Variants in DIAPH2 observed in about 807,000 individuals in gnomAD.
DIAPH2 encodes protein diaphanous homolog 2.
DIAPH2 carries 35 observed loss-of-function variants against 92.7 expected under a neutral mutation model. The ratio of observed to expected loss-of-function variants is 0.38; its 90% confidence interval spans 0.29 to 0.50. DIAPH2 has a LOEUF of 0.50. DIAPH2 is among the 20% of genes least tolerant of loss of function. The pLI, the probability that DIAPH2 is intolerant of heterozygous loss-of-function variation, is 0.94. For synonymous variants in DIAPH2, 301 were observed against 280.4 expected, an observed-to-expected ratio of 1.07 and a Z score of -0.73; for missense variants, 701 against 819.5, an observed-to-expected ratio of 0.86 and a Z score of 1.77.
At position 97,411,098 on chromosome X, in the gene DIAPH2, A is replaced by G. The variant is rs757603537; in HGVS notation, c.3146-18552A>G. Among the ~76,000 whole-genome samples, 46 of 111,130 alleles carry G rather than the reference A, an allele frequency of 4.1e-4. 1 individual carries two copies. In the South Asian group the frequency reaches 8.0e-3, roughly 19 times the overall value. On this transcript the variant is annotated intron_variant, in intron 25 of 26. Transcript: ENST00000324765. ...CAAGAAGAGCAACCCCAGGACACAT[A>G]ATTGTCAGATTCACCAAGGTTGAAA...
intron 1 of DIAPH2, among the ~76,000 whole-genome samples, chrX:96,727,958 T>C (rs1218577935): frequency 1.9e-5 from 2 of 105,963 alleles, no homozygotes; most frequent in Non-Finnish European, 3.9e-5. Context: ...GGCAGGGAAT[T>C]GCTTGAATCC....
intron 23 of DIAPH2, among the ~76,000 whole-genome samples, chrX:97,291,539 CTT>C (rs755088053): frequency 2.9e-5 from 3 of 104,830 alleles, no homozygotes; most frequent in African/African-American, 6.9e-5. Flanking sequence ...AAAGTAAACA[CTT>C]TTTTTTTTTT....
intron 23 of DIAPH2, among the ~76,000 whole-genome samples, chrX:97,317,406 C>G (rs904025679): frequency 8.9e-6 from 1 of 111,973 alleles, no homozygotes; most frequent in African/African-American, 3.2e-5. Flanking sequence ...AGAATTAAGA[C>G]TTGAAACATC....
chrX:97,113,731 T>C (rs953480918), intron 20 of DIAPH2, among the ~76,000 whole-genome samples: 3 of 112,497 alleles, frequency 2.7e-5, no homozygotes, highest in African/African-American at 9.7e-5. Flanking sequence ...CGTCAAATTC[T>C]CTTCATGTTA....
intron 24 of DIAPH2, among the ~76,000 whole-genome samples, chrX:97,373,511 A>C (rs73552460): frequency 0.018 from 1,919 of 108,528 alleles, 43 homozygotes; most frequent in African/African-American, 0.061. Flanking sequence ...ACAAGGAAGA[A>C]AGAGGAAGTT....
chrX:97,190,085 T>G (rs1198920960), intron 22 of DIAPH2, among the ~76,000 whole-genome samples: 1 of 113,087 alleles, frequency 8.8e-6, no homozygotes, highest in Admixed American at 9.3e-5. Flanking sequence ...AGATTTAGAA[T>G]TTAATCTCTT....
In DIAPH2 at chrX:96,851,391, C is replaced by T. The variant is rs940450532; in HGVS notation, c.448-30188C>T. 3.6e-5 allele frequency among the ~76,000 whole-genome samples: 4 copies of T among 112,131 alleles called. No individual in the cohort carries two copies. In the South Asian group the frequency reaches 1.1e-3, roughly 31 times the overall value. On this transcript the variant is annotated intron_variant, in intron 4 of 26. Transcript: ENST00000324765. ...GTGCTGGGATTACAGGCGTGAGCCA[C>T]CTTGCCTGGCCGGTTGCTTATGTTT...
At chrX:96,813,990 C>G (rs1057474589) in intron 4 of DIAPH2, among the ~76,000 whole-genome samples, 1 of 110,989 alleles carries the variant, frequency 9.0e-6, no homozygotes, top group African/African-American at 3.3e-5. Flanking sequence ...GTGAATCTGA[C>G]AATTATGTGT....
chrX:96,942,712 G>A (rs915385602), intron 13 of DIAPH2, among the ~76,000 whole-genome samples: 1 of 110,913 alleles, frequency 9.0e-6, no homozygotes, highest in African/African-American at 3.3e-5. Flanking sequence ...ATCCTAGACT[G>A]GTAGTTAGCA....
chrX:96,919,338 C>T (rs1189690578), intron 9 of DIAPH2, among the ~76,000 whole-genome samples: 4 of 111,799 alleles, frequency 3.6e-5, no homozygotes, highest in African/African-American at 6.5e-5. Flanking sequence ...GCTTATGGGA[C>T]GAATAAGTTG....
rs2068607933 is a variant in DIAPH2, at chrX:97,293,080, A to ACTTAG, written c.2844+45241_2844+45242insCTTAG. The stretch of plus-strand genomic sequence containing the variant: ...ACATGAAAGTGAAAAAGGATGTGTG[A>ACTTAG]GCCTACAAAAGACTTAGGCCAACAA... On this transcript the variant is annotated intron_variant, in intron 23 of 26. Transcript: ENST00000324765. Among the ~76,000 whole-genome samples the ACTTAG allele has an allele frequency of 3.6e-5, 4 of 110,365 alleles. No homozygotes were observed. In the South Asian group the frequency reaches 1.6e-3, roughly 43 times the overall value.
intron 23 of DIAPH2, among the ~76,000 whole-genome samples, chrX:97,292,855 A>G (rs1326139815): frequency 8.9e-6 from 1 of 111,933 alleles, no homozygotes; most frequent in Non-Finnish European, 1.9e-5. Context: ...TGCTTCAAAT[A>G]TATTTGGAAG....
intron 4 of DIAPH2, among the ~76,000 whole-genome samples, chrX:96,865,183 G>A (rs2065096949): frequency 1.8e-5 from 2 of 112,132 alleles, no homozygotes; most frequent in Non-Finnish European, 3.8e-5. Context: ...AAAACATTGA[G>A]TGTTCTTTTT....
At position 97,097,780 on chromosome X, in the gene DIAPH2, A is replaced by C. The variant is rs183071426; in HGVS notation, c.2248-1914A>C. On this transcript the variant is annotated intron_variant, in intron 19 of 26. Transcript: ENST00000324765. ...CTTAATAACATACATACTTCACACA[A>C]AAAAAAATCAATAGAAACAGTTTTT... Among the ~76,000 whole-genome samples the C allele has an allele frequency of 9.0e-3, 1,007 of 111,585 alleles. 18 individuals are homozygous for C. The highest frequency in any genetic ancestry group is 0.031 in the African/African-American group (962 of 30,814).
At chrX:97,142,789 G>A (rs5967037) in intron 22 of DIAPH2, among the ~76,000 whole-genome samples, 3,268 of 111,592 alleles carry the variant, frequency 0.029, 122 homozygotes, top group African/African-American at 0.095. Flanking sequence ...TTGAAATTAC[G>A]CTGAAGTAAT....
Position 96,863,549 on chromosome X carries a change from C to A in DIAPH2, c.448-18030C>A, listed in dbSNP as rs2065085358. On this transcript the variant is annotated intron_variant, in intron 4 of 26. Coordinates refer to ENST00000324765, the MANE Select transcript of DIAPH2 (RefSeq NM_006729.5). The stretch of plus-strand genomic sequence containing the variant: ...CTTACTTAGGTATAATTATCATTAA[C>A]ATTGCTATAAATTACTATTTAGATT... 6.3e-5 allele frequency among the ~76,000 whole-genome samples: 7 copies of A among 110,627 alleles called. No individual in the cohort carries two copies. The South Asian group carries it at 2.6e-3, about 42-fold the overall frequency.
At chrX:97,160,917 T>C (rs1448512106) in intron 22 of DIAPH2, among the ~76,000 whole-genome samples, 2 of 111,808 alleles carry the variant, frequency 1.8e-5, no homozygotes, top group Admixed American at 9.5e-5. Flanking sequence ...GAGCAGACTT[T>C]AAAAATTAAT....
At chrX:97,535,163 T>C (rs1002191729) in intron 26 of DIAPH2, among the ~76,000 whole-genome samples, 1 of 112,104 alleles carries the variant, frequency 8.9e-6, no homozygotes, top group African/African-American at 3.2e-5. Context: ...GAAATTTGCA[T>C]AAAGTATGGA....
chrX:96,890,641 G>A (rs761938245), intron 5 of DIAPH2, among the ~76,000 whole-genome samples: 1 of 110,832 alleles, frequency 9.0e-6, no homozygotes, highest in Non-Finnish European at 1.9e-5. Context: ...ATATAAATAA[G>A]TGTACACACA....
Sources: gnomAD v4.1 joint callset for allele counts (sites outside exome capture counted in the v4.1 genomes callset) on GRCh38, gnomAD v4.1.1 for gene constraint, MANE v1.5 for transcripts, NCBI Gene and HGNC (gene_info 2026-07-23, HGNC 2026-07-21) for gene names.